The following TMTC3 variants were observed in gnomAD, a reference collection of about 807,000 sequenced individuals.
TMTC3 encodes protein O-mannosyl-transferase TMTC3.
In TMTC3, 52 loss-of-function variants were observed where a neutral mutation model predicts 92.2. The ratio of observed to expected loss-of-function variants is 0.56; its 90% CI spans 0.45 to 0.71. TMTC3 has a LOEUF of 0.71. Among genes scored for constraint, TMTC3 ranks in the 30% least tolerant of loss-of-function variants. The probability of loss-of-function intolerance (pLI) is 0.00; values close to 1 mark genes in which losing one functional copy is unlikely to be tolerated. For missense variants in TMTC3, 896 were observed against 1,057.1 expected (o/e 0.85, Z 2.11); for synonymous variants, 339 against 363.3 (o/e 0.93, Z 0.76).
At chr12:88,187,236 T>G (rs192034186) in intron 10 of TMTC3, among the ~76,000 whole-genome samples, 1 of 151,928 alleles carries the variant, frequency 6.6e-6, no homozygotes, top group Non-Finnish European at 1.5e-5. Flanking sequence ...TAGTACATAT[T>G]CATGGGATAT....
chr12:88,155,731 T>C (rs1380756180), intron 4 of TMTC3, among the ~76,000 whole-genome samples: 1 of 152,224 alleles, frequency 6.6e-6, no homozygotes, highest in Non-Finnish European at 1.5e-5. Context: ...CCATATTATA[T>C]CTTTTGTTCC....
intron 7 of TMTC3, among the ~76,000 whole-genome samples, chr12:88,172,334 C>T (rs1223446811): frequency 2.6e-5 from 4 of 151,880 alleles, no homozygotes; most frequent in Non-Finnish European, 4.4e-5. Flanking sequence ...TCATAGATAT[C>T]CTCTAATTTT....
intron 5 of TMTC3, 38 bp from the exon 6 acceptor site, chr12:88,160,641 C>T (rs566672489): frequency 1.3e-5 from 20 of 1,566,120 alleles, no homozygotes; most frequent in East Asian, 2.3e-5. Context: ...TGAGATATGT[C>T]GTTATTTGTT....
At chr12:88,164,539 T>G (rs571996606) in intron 6 of TMTC3, among the ~76,000 whole-genome samples, 1 of 152,336 alleles carries the variant, frequency 6.6e-6, no homozygotes, top group South Asian at 2.1e-4. Context: ...TATACAGTTT[T>G]TTAGTTGTTT....
intron 6 of TMTC3, among the ~76,000 whole-genome samples, chr12:88,164,241 G>GAC (rs1323589400): frequency 6.7e-6 from 1 of 148,216 alleles, no homozygotes. Flanking sequence ...ACTGGAGAGA[G>GAC]ACCCTCTACA....
chr12:88,175,323 G>T (rs191429434), intron 9 of TMTC3, among the ~76,000 whole-genome samples: 1 of 152,182 alleles, frequency 6.6e-6, no homozygotes, highest in East Asian at 1.9e-4. Context: ...ACAAAAATTT[G>T]TTTTCTTTAA....
In TMTC3 at chr12:88,160,837, T is replaced by G. The variant is rs1256761872; in HGVS notation, c.783T>G (p.Leu261=). The change falls in exon 6 of 14, where the codon CTT becomes CTG. Residue 261 remains leucine (L), a synonymous_variant. Coordinates refer to ENST00000266712, the MANE Select transcript of TMTC3 (RefSeq NM_181783.4). ...GAGTCCAGGTTATTCAATCCCAACT[T>G]CCAGTATTCACCAGGTATGAAATTC... The part of the protein sequence containing the change: ...VIRVQVIQSQ[L]PVFTRFDNPA... The G allele has an allele frequency of 2.5e-6, 4 of 1,606,322 alleles. No homozygotes were observed. Among genetic ancestry groups the G allele is most frequent in the East Asian group, 4.5e-5 (2 of 44,602 alleles).
chr12:88,172,582 T>C lies in TMTC3; in HGVS notation c.1051-15T>C. The C allele has an allele frequency of 5.1e-6, 3 of 584,476 alleles. No homozygotes were observed. Among genetic ancestry groups the C allele is most frequent in the Non-Finnish European group, 4.7e-6 (2 of 424,162 alleles). The allele number at this position is 584,476 out of a possible 1,614,324, so 36.2% of individuals were successfully genotyped here. ...ATTTATTATAAATTATTAAATCTTC[T>C]TTTTTTTTTTGTAGGCGCTTTGTTT... On this transcript the variant is annotated splice_polypyrimidine_tract_variant and intron_variant, in intron 7 of 13. Coordinates refer to ENST00000266712, the MANE Select transcript of TMTC3 (RefSeq NM_181783.4).
chr12:88,152,743 T>C (rs940043802), intron 2 of TMTC3, among the ~76,000 whole-genome samples: 11 of 152,242 alleles, frequency 7.2e-5, no homozygotes, highest in African/African-American at 2.7e-4. Flanking sequence ...CTTGTATTAC[T>C]CTCTGTAATT....
In TMTC3 at chr12:88,194,862, C is replaced by G. The variant is rs1774745429; in HGVS notation, c.1958C>G (p.Ala653Gly). 3 of 1,598,160 alleles carry G rather than the reference C, an allele frequency of 1.9e-6. No homozygotes were observed. Among genetic ancestry groups the G allele is most frequent in the Non-Finnish European group, 2.6e-6 (3 of 1,173,630 alleles). The change falls in exon 14 of 14, where the codon GCT (alanine) becomes GGT (glycine). Residue 653 changes from alanine (A) to glycine (G), a missense_variant. Physicochemically the swap from Ala to Gly is moderately conservative, Grantham distance 60. Coordinates refer to ENST00000266712, the MANE Select transcript of TMTC3 (RefSeq NM_181783.4). ...ESGEVKLRPE[A>G]RKRLLSYINE... ...GGTGAGGTTAAACTCAGACCTGAAG[C>G]TAGAAAACGACTTCTAAGTTATATA...
chr12:88,166,452 G>C lies in TMTC3; in HGVS notation c.920G>C (p.Gly307Ala), dbSNP rs749383212. 6.2e-7 allele frequency: 1 copy of C among 1,613,786 alleles called. No individual in the cohort carries two copies. The highest frequency in any genetic ancestry group is 8.5e-7 in the Non-Finnish European group (1 of 1,179,930). Residue 307 changes from glycine to alanine, a missense_variant, in exon 7 of 14, where the codon GGA becomes GCA. Transcript: ENST00000266712. The stretch of plus-strand genomic sequence containing the variant: ...GAGCTCTGCTGTGATTGGACCATGG[G>C]AACAATACCACTTATAGAGTCATTA... ...PSELCCDWTM[G>A]TIPLIESLLD...
chr12:88,176,106 C>T lies in TMTC3; in HGVS notation c.1321-102C>T, dbSNP rs7302193. The T allele has an allele frequency of 0.075, 57,722 of 769,720 alleles. 4,566 individuals carry two copies. Among genetic ancestry groups the T allele is most frequent in the African/African-American group, 0.33 (18,866 of 56,514 alleles). 47.7% of individuals were successfully genotyped at this position (769,720 alleles called of 1,614,324 possible). ...CCTGTGTCATCCCCAGAGACATTTC[C>T]ATAGAACATTATTTTCTTAATAGTA... On this transcript the variant is annotated intron_variant, in intron 9 of 13. Coordinates refer to ENST00000266712, the MANE Select transcript of TMTC3 (RefSeq NM_181783.4).
chr12:88,178,370 A>G (rs987151602), intron 10 of TMTC3, among the ~76,000 whole-genome samples: 6 of 152,010 alleles, frequency 3.9e-5, no homozygotes, highest in Non-Finnish European at 7.4e-5. Flanking sequence ...TTCTTCCTTG[A>G]GACTAGAATT....
chr12:88,156,832 A>C (rs537696890), intron 4 of TMTC3, among the ~76,000 whole-genome samples: 3 of 140,436 alleles, frequency 2.1e-5, no homozygotes, highest in Admixed American at 7.4e-5. Flanking sequence ...TTTTTTTACA[A>C]AAAGTGTCTT....
chr12:88,171,330 T>C (rs531450787), intron 7 of TMTC3, among the ~76,000 whole-genome samples: 9 of 152,234 alleles, frequency 5.9e-5, no homozygotes, highest in African/African-American at 1.9e-4. Flanking sequence ...TCCTCCTAAC[T>C]GAAGTTTTAT....
intron 10 of TMTC3, among the ~76,000 whole-genome samples, chr12:88,177,783 G>GT (rs2041276136): frequency 6.6e-6 from 1 of 152,140 alleles, no homozygotes; most frequent in Admixed American, 6.5e-5. Context: ...AGACACTGTT[G>GT]TTTTTTTCTA....
intron 1 of TMTC3, among the ~76,000 whole-genome samples, chr12:88,145,039 C>T (rs1199213602): frequency 6.6e-6 from 1 of 152,144 alleles, no homozygotes; most frequent in African/African-American, 2.4e-5. Flanking sequence ...AAAATCACTT[C>T]ACAAGAAGGC....
intron 10 of TMTC3, among the ~76,000 whole-genome samples, chr12:88,184,909 C>T (rs147751579): frequency 2.9e-4 from 44 of 152,100 alleles, no homozygotes; most frequent in African/African-American, 1.0e-3. Flanking sequence ...AAAGTCTCTT[C>T]GAGATGATAA....
At chr12:88,178,570 ATTTAT>A (rs1287135945) in intron 10 of TMTC3, among the ~76,000 whole-genome samples, 1 of 151,958 alleles carries the variant, frequency 6.6e-6, no homozygotes, top group Non-Finnish European at 1.5e-5. Flanking sequence ...TAAAATATTT[ATTTAT>A]TTAAACTGTG....
Sources: allele counts gnomAD v4.1 joint callset (sites outside exome capture counted in the v4.1 genomes callset), GRCh38; gene constraint gnomAD v4.1.1; transcripts MANE v1.5; gene names NCBI Gene and HGNC (gene_info 2026-07-23, HGNC 2026-07-21).